The following GALNT7 variants were observed in gnomAD, a reference collection of about 807,000 sequenced individuals.
GALNT7 encodes the protein N-acetylgalactosaminyltransferase 7.
GALNT7 carries 60 observed loss-of-function variants against 82.1 expected under a neutral mutation model. That is an observed-to-expected ratio of 0.73 (90% CI 0.59 to 0.91). The LOEUF (loss-of-function observed/expected upper bound fraction) is 0.91, where lower values mean the gene tolerates loss of function less well. Among genes scored for constraint, GALNT7 ranks in the 40% least tolerant of loss-of-function variants. GALNT7 has a pLI of 0.00. For missense variants in GALNT7, 660 were observed against 804.2 expected, an observed-to-expected ratio of 0.82 and a Z score of 2.17; for synonymous variants, 243 against 275.1, an observed-to-expected ratio of 0.88 and a Z score of 1.15.
intron 2 of GALNT7, among the ~76,000 whole-genome samples, chr4:173,259,405 T>C (rs1427051612): frequency 6.6e-6 from 1 of 151,630 alleles, no homozygotes; most frequent in South Asian, 2.1e-4. Context: ...TTTATAACTC[T>C]TTCTCTCTTC....
In GALNT7 at chr4:173,235,219, A is replaced by G. The variant is rs186422377; in HGVS notation, c.127-12761A>G. On this transcript the variant is annotated intron_variant, in intron 1 of 11. Coordinates refer to ENST00000265000, the MANE Select transcript of GALNT7 (RefSeq NM_017423.3). ...CTACTCAGCCAGGGGATTGTTTTCA[A>G]AATGCTTCTGTCCCTTCCAAGGTAC... 2.5e-3 allele frequency among the ~76,000 whole-genome samples: 386 copies of G among 152,242 alleles called. 7 individuals carry two copies. The highest frequency in any genetic ancestry group is 0.023 in the Admixed American group (345 of 15,290).
At chr4:173,179,794 C>A (rs897231726) in intron 1 of GALNT7, among the ~76,000 whole-genome samples, 2 of 148,322 alleles carry the variant, frequency 1.3e-5, no homozygotes, top group African/African-American at 4.9e-5. Context: ...AAATAGAAAA[C>A]AAAACAAAAC....
chr4:173,293,537 G>T lies in GALNT7; in HGVS notation c.754+1263G>T, dbSNP rs1370805257. On this transcript the variant is annotated intron_variant, in intron 3 of 11. Transcript: ENST00000265000. The stretch of plus-strand genomic sequence containing the variant: ...TATATTCAGAAAGTAAAACTTTAAA[G>T]ATTTTTCTTTTAAAGACTAAATGCA... Among the ~76,000 whole-genome samples the T allele has an allele frequency of 2.6e-5, 4 of 152,262 alleles. No homozygotes were observed. In the East Asian group the frequency reaches 7.7e-4, roughly 29 times the overall value.
intron 2 of GALNT7, among the ~76,000 whole-genome samples, chr4:173,287,440 A>G (rs564800299): frequency 6.6e-6 from 1 of 152,370 alleles, no homozygotes; most frequent in African/African-American, 2.4e-5. Context: ...TCTGAGGACT[A>G]AAGGAGATCC....
chr4:173,280,593 G>T (rs1297925501), intron 2 of GALNT7, among the ~76,000 whole-genome samples: 2 of 152,158 alleles, frequency 1.3e-5, no homozygotes, highest in Non-Finnish European at 2.9e-5. Flanking sequence ...GATCAGAGCA[G>T]TTCTACAATG....
At chr4:173,211,087 C>T (rs1379576115) in intron 1 of GALNT7, among the ~76,000 whole-genome samples, 2 of 151,970 alleles carry the variant, frequency 1.3e-5, no homozygotes, top group Non-Finnish European at 2.9e-5. Flanking sequence ...CAGTACATCT[C>T]AATTTGGGCC....
chr4:173,249,172 C>A (rs1734764589), intron 2 of GALNT7, among the ~76,000 whole-genome samples: 1 of 152,154 alleles, frequency 6.6e-6, no homozygotes, highest in Admixed American at 6.5e-5. Context: ...ACATAGCTTT[C>A]ATTAATGTAG....
chr4:173,229,107 A>C (rs1027265110), intron 1 of GALNT7, among the ~76,000 whole-genome samples: 1 of 152,208 alleles, frequency 6.6e-6, no homozygotes, highest in African/African-American at 2.4e-5. Flanking sequence ...ACGGTAGCTC[A>C]GTTTAATGGT....
At position 173,211,477 on chromosome 4, in the gene GALNT7, C is replaced by A. The variant is rs1018813038; in HGVS notation, c.127-36503C>A. Among the ~76,000 whole-genome samples the A allele has an allele frequency of 2.0e-5, 3 of 152,122 alleles. No individual in the cohort carries two copies. The East Asian group carries it at 5.8e-4, about 29-fold the overall frequency. ...GAGTAATGATACAGACCTCAGTCTT[C>A]CATTCACAAATCTGGTGTCCTTTTT... is the stretch of plus-strand genomic sequence containing the variant. On this transcript the variant is annotated intron_variant, in intron 1 of 11. Transcript: ENST00000265000.
chr4:173,266,689 G>A (rs1312708657), intron 2 of GALNT7, among the ~76,000 whole-genome samples: 1 of 152,134 alleles, frequency 6.6e-6, no homozygotes, highest in Non-Finnish European at 1.5e-5. Flanking sequence ...TAAGAGAACA[G>A]ATATAAAAAT....
intron 1 of GALNT7, among the ~76,000 whole-genome samples, chr4:173,218,882 G>A (rs1050226885): frequency 6.6e-6 from 1 of 152,080 alleles, no homozygotes; most frequent in Non-Finnish European, 1.5e-5. Context: ...TGTGCTAGAT[G>A]CCTGGTATGC....
At position 173,284,089 on chromosome 4, in the gene GALNT7, GT is replaced by G. The variant is rs1366451183; in HGVS notation, c.588-8016del. On this transcript the variant is annotated intron_variant, in intron 2 of 11. Coordinates refer to ENST00000265000, the MANE Select transcript of GALNT7 (RefSeq NM_017423.3). ...TTCAAAGCAAAAATCAAAAAGATTC[GT>G]TTAGTTTTCTATTAGGTTAGTCCAT... is the stretch of plus-strand genomic sequence containing the variant. Among the ~76,000 whole-genome samples the G allele has an allele frequency of 5.9e-5, 9 of 152,236 alleles. No individual in the cohort carries two copies. In the East Asian group the frequency reaches 1.7e-3, roughly 29 times the overall value.
chr4:173,253,625 G>A (rs1471578612), intron 2 of GALNT7, among the ~76,000 whole-genome samples: 1 of 152,160 alleles, frequency 6.6e-6, no homozygotes, highest in Non-Finnish European at 1.5e-5. Flanking sequence ...TAGGCCTTGG[G>A]AGGTGATGGA....
At chr4:173,211,565 A>G (rs1579915227) in intron 1 of GALNT7, among the ~76,000 whole-genome samples, 3 of 152,234 alleles carry the variant, frequency 2.0e-5, no homozygotes, top group Non-Finnish European at 4.4e-5. Context: ...GATTTGTTCA[A>G]TAACAAGAGT....
At chr4:173,192,652 C>T (rs1447503093) in intron 1 of GALNT7, among the ~76,000 whole-genome samples, 1 of 152,212 alleles carries the variant, frequency 6.6e-6, no homozygotes, top group African/African-American at 2.4e-5. Flanking sequence ...TATTGGGAAA[C>T]CATCAGAATG....
At chr4:173,204,030 A>ACT (rs1733020096) in intron 1 of GALNT7, among the ~76,000 whole-genome samples, 1 of 152,070 alleles carries the variant, frequency 6.6e-6, no homozygotes, top group Non-Finnish European at 1.5e-5. Flanking sequence ...GTGGTGATTA[A>ACT]CTCCCTCAGC....
chr4:173,194,164 A>G (rs1419218848), intron 1 of GALNT7, among the ~76,000 whole-genome samples: 1 of 152,236 alleles, frequency 6.6e-6, no homozygotes, highest in Admixed American at 6.5e-5. Flanking sequence ...ACAGAGAGTT[A>G]AAAGCATTAA....
intron 2 of GALNT7, among the ~76,000 whole-genome samples, chr4:173,285,310 A>C (rs1736283437): frequency 6.6e-6 from 1 of 152,232 alleles, no homozygotes; most frequent in Non-Finnish European, 1.5e-5. Flanking sequence ...AAGCCTGGTA[A>C]GTTGTTTTAA....
At chr4:173,226,769 C>T (rs1362970821) in intron 1 of GALNT7, among the ~76,000 whole-genome samples, 1 of 152,170 alleles carries the variant, frequency 6.6e-6, no homozygotes, top group African/African-American at 2.4e-5. Flanking sequence ...GGATTATGTG[C>T]TCTCAGCATA....
Sources: gnomAD v4.1 joint callset for allele counts (sites outside exome capture counted in the v4.1 genomes callset) on GRCh38, gnomAD v4.1.1 for gene constraint, MANE v1.5 for transcripts, NCBI Gene and HGNC (gene_info 2026-07-23, HGNC 2026-07-21) for gene names.